PLPPR1: variants seen among roughly 807,000 people sequenced by gnomAD.
PLPPR1 encodes the protein phospholipid phosphatase related 1, also known as phospholipid phosphatase-related protein type 1.
Under a neutral mutation model 33.1 loss-of-function variants are expected in PLPPR1, and 10 were observed. The ratio of observed to expected loss-of-function variants is 0.30; its 90% confidence interval spans 0.19 to 0.51. The LOEUF (loss-of-function observed/expected upper bound fraction) is 0.51, where lower values mean the gene tolerates loss of function less well. PLPPR1 is among the 20% of genes least tolerant of loss of function. PLPPR1 has a pLI of 0.97. For synonymous variants in PLPPR1, 151 were observed against 151.0 expected (o/e 1.00, Z 0.00); for missense variants, 304 against 408.1 (o/e 0.74, Z 2.20).
chr9:101,264,901 G>A (rs1293868280), intron 2 of PLPPR1, among the ~76,000 whole-genome samples: 1 of 152,126 alleles, frequency 6.6e-6, no homozygotes, highest in Admixed American at 6.5e-5. Flanking sequence ...CTTCAGACAA[G>A]ATGCTTCATG....
intron 4 of PLPPR1, among the ~76,000 whole-genome samples, chr9:101,301,543 C>CATCT (rs1271374841): frequency 2.0e-5 from 3 of 152,228 alleles, no homozygotes; most frequent in African/African-American, 7.2e-5. Context: ...TGATTTCAAC[C>CATCT]ATCTGATCAA....
chr9:101,297,816 A>G (rs1828677080), intron 4 of PLPPR1, among the ~76,000 whole-genome samples: 1 of 152,044 alleles, frequency 6.6e-6, no homozygotes, highest in Non-Finnish European at 1.5e-5. Flanking sequence ...ACTTTATACC[A>G]TTTCCTTTGC....
intron 3 of PLPPR1, among the ~76,000 whole-genome samples, chr9:101,278,875 C>A (rs1215474660): frequency 6.6e-6 from 1 of 152,204 alleles, no homozygotes; most frequent in East Asian, 1.9e-4. Context: ...ATACCCCACC[C>A]CTGTAGTGAC....
At chr9:101,157,169 C>T (rs907088377) in intron 1 of PLPPR1, among the ~76,000 whole-genome samples, 4 of 152,132 alleles carry the variant, frequency 2.6e-5, no homozygotes, top group Non-Finnish European at 4.4e-5. Context: ...ACTTTTTGGT[C>T]CCCACTTCAC....
chr9:101,160,269 A>C (rs1041708610), intron 1 of PLPPR1, among the ~76,000 whole-genome samples: 1 of 152,216 alleles, frequency 6.6e-6, no homozygotes, highest in Non-Finnish European at 1.5e-5. Context: ...GATACTGAAC[A>C]GGTCACTTAG....
At chr9:101,241,658 T>C (rs369602762) in intron 2 of PLPPR1, among the ~76,000 whole-genome samples, 2 of 152,038 alleles carry the variant, frequency 1.3e-5, no homozygotes, top group African/African-American at 4.8e-5. Flanking sequence ...TGGGGCCTTA[T>C]CTGAAAAGAG....
intron 4 of PLPPR1, among the ~76,000 whole-genome samples, chr9:101,293,873 C>G (rs1315891936): frequency 1.3e-5 from 2 of 151,626 alleles, no homozygotes; most frequent in Admixed American, 6.6e-5. Flanking sequence ...AATTGACACC[C>G]TAACATCACA....
chr9:101,302,652 C>T (rs960600021), intron 4 of PLPPR1, among the ~76,000 whole-genome samples: 6 of 152,114 alleles, frequency 3.9e-5, no homozygotes, highest in African/African-American at 1.4e-4. Flanking sequence ...TTAAGAATTC[C>T]TTAGGTATTC....
chr9:101,187,386 G>A lies in PLPPR1; in HGVS notation c.63+1829G>A, dbSNP rs572541018. 2.0e-5 allele frequency: 3 copies of A among 151,462 alleles called. No homozygotes were observed. In the East Asian group the frequency reaches 5.9e-4, roughly 30 times the overall value. 9.4% of individuals were successfully genotyped at this position (151,462 alleles called of 1,614,324 possible). On this transcript the variant is annotated intron_variant, in intron 2 of 7. Transcript: ENST00000374874. Reference sequence around the variant, plus strand: ...CTTGGCCGGTGGAGCAGCAACAAAGGAGATAAATTAGTTCTTCTGTAGCTT... The same window carrying A: ...CTTGGCCGGTGGAGCAGCAACAAAGAAGATAAATTAGTTCTTCTGTAGCTT...
chr9:101,207,117 T>G (rs918619677), intron 2 of PLPPR1, among the ~76,000 whole-genome samples: 1 of 152,226 alleles, frequency 6.6e-6, no homozygotes, highest in South Asian at 2.1e-4. Flanking sequence ...GCCTACTTTT[T>G]TATTGTGTGT....
In PLPPR1 at chr9:101,324,179, T is replaced by C; in HGVS notation, c.*122T>C. 1 of 791,142 alleles carries C rather than the reference T, an allele frequency of 1.3e-6. No homozygotes were observed. Among genetic ancestry groups the C allele is most frequent in the Non-Finnish European group, 2.0e-6 (1 of 504,622 alleles). The allele number at this position is 791,142 out of a possible 1,614,324, so 49.0% of individuals were successfully genotyped here. A position where few individuals can be genotyped will look rare whatever the true frequency, so the allele number is the denominator to read the frequency against. On this transcript the variant is annotated 3_prime_UTR_variant, in exon 8 of 8. Transcript: ENST00000374874. ...TTACGTTTATCTAGTTAGAAGCTAA[T>C]GTTTTGTACATTTTTTGTATGAGGA...
intron 2 of PLPPR1, among the ~76,000 whole-genome samples, chr9:101,255,913 T>C (rs1827793908): frequency 6.6e-6 from 1 of 152,138 alleles, no homozygotes; most frequent in Non-Finnish European, 1.5e-5. Flanking sequence ...AAATAATAAC[T>C]CCTTATAACT....
chr9:101,184,088 A>G lies in PLPPR1; in HGVS notation c.-45-1362A>G, dbSNP rs369980366. The stretch of plus-strand genomic sequence containing the variant: ...AAAATGATGGTTATCCAATCAATTC[A>G]ATGTGTTTTCTACATATAGATTCCT... On this transcript the variant is annotated intron_variant, in intron 1 of 7. Coordinates refer to ENST00000374874, the MANE Select transcript of PLPPR1 (RefSeq NM_207299.2). Among the ~76,000 whole-genome samples the G allele has an allele frequency of 2.4e-4, 36 of 151,912 alleles. 1 individual carries two copies. Among genetic ancestry groups the G allele is most frequent in the African/African-American group, 8.7e-4 (36 of 41,542 alleles).
intron 2 of PLPPR1, among the ~76,000 whole-genome samples, chr9:101,251,573 A>G (rs553048015): frequency 1.3e-5 from 2 of 151,816 alleles, no homozygotes; most frequent in South Asian, 2.1e-4. Flanking sequence ...TTCGGACTAT[A>G]TAAAGAAATT....
chr9:101,286,256 G>T lies in PLPPR1; in HGVS notation c.385+20G>T. 1 of 1,587,882 alleles carries T rather than the reference G, an allele frequency of 6.3e-7. No individual in the cohort carries two copies. Among genetic ancestry groups the T allele is most frequent in the Non-Finnish European group, 8.6e-7 (1 of 1,167,280 alleles). ...TCACAGGTGAGTACAAGATGGTGCT[G>T]AACTAAGCTCTCACATAAAAGTAAA... is the stretch of plus-strand genomic sequence containing the variant. On this transcript the variant is annotated intron_variant, in intron 4 of 7. Transcript: ENST00000374874.
At chr9:101,071,973 A>T (rs1448498033) in intron 1 of PLPPR1, among the ~76,000 whole-genome samples, 1 of 152,162 alleles carries the variant, frequency 6.6e-6, no homozygotes, top group African/African-American at 2.4e-5. Flanking sequence ...CTGTCTATTC[A>T]GTGTATCTAT....
chr9:101,160,222 A>T lies in PLPPR1; in HGVS notation c.-45-25228A>T, dbSNP rs529969170. ...TAGAAAAGTGGGGTTGTGTCTGAGG[A>T]CTTGGTTGGAGAATAATTTTTCCTT... On this transcript the variant is annotated intron_variant, in intron 1 of 7. Coordinates refer to ENST00000374874, the MANE Select transcript of PLPPR1 (RefSeq NM_207299.2). Among the ~76,000 whole-genome samples, 16 of 152,260 alleles carry T rather than the reference A, an allele frequency of 1.1e-4. No individual in the cohort carries two copies. In the South Asian group the frequency reaches 3.1e-3, roughly 30 times the overall value.
rs376430971 is a variant in PLPPR1, at chr9:101,319,245, C to T, written c.945+1749C>T. ...AGGCTGGAGTGCAGTGGCACAATCT[C>T]GGCTCACTGCAGCCTCCGCCTCCGG... On this transcript the variant is annotated intron_variant, in intron 7 of 7. Coordinates refer to ENST00000374874, the MANE Select transcript of PLPPR1 (RefSeq NM_207299.2). Among the ~76,000 whole-genome samples, 14 of 152,188 alleles carry T rather than the reference C, an allele frequency of 9.2e-5. No homozygotes were observed. The East Asian group carries it at 2.1e-3, about 23-fold the overall frequency.
chr9:101,098,034 T>C (rs1315367303), intron 1 of PLPPR1, among the ~76,000 whole-genome samples: 8 of 130,786 alleles, frequency 6.1e-5, no homozygotes, highest in Non-Finnish European at 9.0e-5. Context: ...TGGTGCTTTT[T>C]TTCCCCCTCC....
Sources: gnomAD v4.1 joint callset for allele counts (sites outside exome capture counted in the v4.1 genomes callset) on GRCh38, gnomAD v4.1.1 for gene constraint, MANE v1.5 for transcripts, NCBI Gene and HGNC (gene_info 2026-07-23, HGNC 2026-07-21) for gene names.